RBFOX1: variants seen among roughly 807,000 people sequenced by gnomAD.
RBFOX1 encodes RNA binding protein fox-1 homolog 1.
Under a neutral mutation model 57.7 loss-of-function variants are expected in RBFOX1, and 8 were observed. The observed-to-expected ratio is 0.14, with a 90% CI of 0.08 to 0.25. The LOEUF (loss-of-function observed/expected upper bound fraction) is 0.25, where lower values mean the gene tolerates loss of function less well. Among genes scored for constraint, RBFOX1 ranks in the 10% least tolerant of loss-of-function variants. The pLI is 1.00. For missense variants in RBFOX1, 611 were observed against 548.5 expected, an observed-to-expected ratio of 1.11 and a Z score of -1.14; for synonymous variants, 326 against 222.4, an observed-to-expected ratio of 1.47 and a Z score of -4.15.
intron 3 of RBFOX1, among the ~76,000 whole-genome samples, chr16:6,938,274 T>A (rs1472531294): frequency 6.6e-6 from 1 of 152,188 alleles, no homozygotes; most frequent in Non-Finnish European, 1.5e-5. Flanking sequence ...GCTGCGCAGA[T>A]CTTTAGCCTT....
Position 7,287,961 on chromosome 16 carries a change from T to C in RBFOX1, c.28-230186T>C, listed in dbSNP as rs896993718. 2.6e-5 allele frequency among the ~76,000 whole-genome samples: 4 copies of C among 152,210 alleles called. No individual in the cohort carries two copies. In the South Asian group the frequency reaches 6.2e-4, roughly 24 times the overall value. On this transcript the variant is annotated intron_variant, in intron 4 of 15. Transcript: ENST00000550418. The stretch of plus-strand genomic sequence containing the variant: ...GATCTAGCCCAAATGAAATGAGTGA[T>C]GTGTGACTGGCTGTTGAACGAAAAA...
intron 3 of RBFOX1, among the ~76,000 whole-genome samples, chr16:7,004,920 G>A (rs139813158): frequency 8.4e-4 from 128 of 152,222 alleles, no homozygotes; most frequent in African/African-American, 2.7e-3. Context: ...AAGGTGGGCC[G>A]ATCACTTGAG....
chr16:5,997,505 G>A (rs929897822), intron 4 of RBFOX1, among the ~76,000 whole-genome samples: 1 of 152,114 alleles, frequency 6.6e-6, no homozygotes, highest in Non-Finnish European at 1.5e-5. Flanking sequence ...CAGATAATGT[G>A]GCACACACCT....
intron 4 of RBFOX1, among the ~76,000 whole-genome samples, chr16:5,979,382 T>C (rs2060129564): frequency 6.6e-6 from 1 of 152,226 alleles, no homozygotes; most frequent in Non-Finnish European, 1.5e-5. Flanking sequence ...AAATTTGTTA[T>C]TTTGTTATTT....
intron 2 of RBFOX1, among the ~76,000 whole-genome samples, chr16:6,462,538 G>A (rs1043722295): frequency 3.3e-5 from 5 of 152,088 alleles, no homozygotes; most frequent in Non-Finnish European, 5.9e-5. Flanking sequence ...TTGGATTTGT[G>A]TATTTTTTTC....
intron 1 of RBFOX1, among the ~76,000 whole-genome samples, chr16:5,458,312 C>T (rs868739549): frequency 6.6e-6 from 1 of 151,762 alleles, no homozygotes; most frequent in Non-Finnish European, 1.5e-5. Flanking sequence ...TTTATTAGAG[C>T]TCATGGGAAT....
chr16:5,310,773 A>C (rs1410987742), intron 1 of RBFOX1, among the ~76,000 whole-genome samples: 2 of 152,204 alleles, frequency 1.3e-5, no homozygotes, highest in Non-Finnish European at 2.9e-5. Flanking sequence ...TGGAAAAAAT[A>C]CTGGGGTTTG....
intron 1 of RBFOX1, among the ~76,000 whole-genome samples, chr16:6,150,507 C>T (rs1275085639): frequency 6.6e-6 from 1 of 152,144 alleles, no homozygotes; most frequent in Admixed American, 6.6e-5. Context: ...TGTTGACCAG[C>T]TCTGTTCTCT....
chr16:7,173,305 A>C (rs549382223), intron 4 of RBFOX1, among the ~76,000 whole-genome samples: 54 of 152,316 alleles, frequency 3.5e-4, no homozygotes, highest in Non-Finnish European at 7.1e-4. Context: ...CCATAATTTG[A>C]AGAAACTAAT....
At chr16:7,315,461 C>G (rs1040222189) in intron 4 of RBFOX1, among the ~76,000 whole-genome samples, 7 of 150,928 alleles carry the variant, frequency 4.6e-5, no homozygotes, top group African/African-American at 1.2e-4. Flanking sequence ...ACCCTACCCC[C>G]CCCCCCATAC....
chr16:5,739,333 G>C (rs765335859), intron 3 of RBFOX1, among the ~76,000 whole-genome samples: 1 of 152,236 alleles, frequency 6.6e-6, no homozygotes, highest in Non-Finnish European at 1.5e-5. Flanking sequence ...AACGTTCTGC[G>C]TAGCAGGCAG....
intron 4 of RBFOX1, among the ~76,000 whole-genome samples, chr16:7,132,179 C>G (rs2070654490): frequency 6.6e-6 from 1 of 151,816 alleles, no homozygotes; most frequent in South Asian, 2.1e-4. Flanking sequence ...TGGGGTTTTC[C>G]CATGTCAGCC....
At chr16:7,061,066 A>G (rs1299514392) in intron 4 of RBFOX1, among the ~76,000 whole-genome samples, 1 of 151,968 alleles carries the variant, frequency 6.6e-6, no homozygotes, top group Admixed American at 6.6e-5. Context: ...ATACAAGGAA[A>G]AAACTGGCAG....
chr16:5,585,352 A>G (rs1356204174), intron 2 of RBFOX1, among the ~76,000 whole-genome samples: 1 of 152,142 alleles, frequency 6.6e-6, no homozygotes, highest in Non-Finnish European at 1.5e-5. Flanking sequence ...TTCTTTTTTA[A>G]GGCTGAATAA....
chr16:7,106,821 T>G lies in RBFOX1; in HGVS notation c.27+54723T>G, dbSNP rs1378896349. Reference sequence around the variant, plus strand: ...CTAAAAGGTGTCTGCTGGACAGCATTAAACAGATACACAAGCAAACAAAAT... The same window carrying G: ...CTAAAAGGTGTCTGCTGGACAGCATGAAACAGATACACAAGCAAACAAAAT... On this transcript the variant is annotated intron_variant, in intron 4 of 15. Transcript: ENST00000550418. 2.6e-5 allele frequency among the ~76,000 whole-genome samples: 4 copies of G among 152,012 alleles called. No individual in the cohort carries two copies. In the South Asian group the frequency reaches 8.3e-4, roughly 32 times the overall value.
intron 3 of RBFOX1, among the ~76,000 whole-genome samples, chr16:5,763,460 G>C (rs1433825192): frequency 6.6e-6 from 1 of 152,228 alleles, no homozygotes; most frequent in Non-Finnish European, 1.5e-5. Flanking sequence ...CCAGATTCTG[G>C]CTGTGAGAAA....
chr16:7,263,537 G>C (rs1255867831), intron 4 of RBFOX1, among the ~76,000 whole-genome samples: 1 of 152,044 alleles, frequency 6.6e-6, no homozygotes, highest in Non-Finnish European at 1.5e-5. Flanking sequence ...TAGGTGCTTT[G>C]GGTTCAGGCA....
intron 2 of RBFOX1, among the ~76,000 whole-genome samples, chr16:5,571,532 C>T (rs2046284615): frequency 6.6e-6 from 1 of 152,132 alleles, no homozygotes; most frequent in Non-Finnish European, 1.5e-5. Flanking sequence ...CCACTGAAGG[C>T]TGTACCATCA....
chr16:6,218,071 A>G (rs1467279274), intron 1 of RBFOX1, among the ~76,000 whole-genome samples: 1 of 152,162 alleles, frequency 6.6e-6, no homozygotes, highest in African/African-American at 2.4e-5. Flanking sequence ...TCAGTTCTGA[A>G]AGAAATTTTA....
Sources: gnomAD v4.1 joint callset for allele counts (sites outside exome capture counted in the v4.1 genomes callset) on GRCh38, gnomAD v4.1.1 for gene constraint, MANE v1.5 for transcripts, NCBI Gene and HGNC (gene_info 2026-07-23, HGNC 2026-07-21) for gene names.